SI: variants seen among roughly 807,000 people sequenced by gnomAD.
SI encodes the protein sucrase-isomaltase, also known as sucrase-isomaltase, intestinal.
In SI, 235 loss-of-function variants were observed where a neutral mutation model predicts 253.3. The ratio of observed to expected loss-of-function variants is 0.93; its 90% confidence interval spans 0.83 to 1.03. The LOEUF is 1.03. Ranked by LOEUF, SI falls within the 50% of genes least tolerant of loss-of-function variation. The probability of loss-of-function intolerance (pLI) is 0.00; values close to 1 mark genes in which losing one functional copy is unlikely to be tolerated. For synonymous variants in SI, 819 were observed against 712.0 expected (o/e 1.15, Z -2.39); for missense variants, 2,442 against 2,211.1 (o/e 1.10, Z -2.09).
chr3:165,069,405 A>C (rs1714423446), intron 3 of SI, among the ~76,000 whole-genome samples: 1 of 152,136 alleles, frequency 6.6e-6, no homozygotes, highest in Admixed American at 6.6e-5. Context: ...AGAAATTTAT[A>C]ACCTGAGATG....
At position 165,048,814 on chromosome 3, in the gene SI, G is replaced by T. The variant is rs184650927; in HGVS notation, c.1715+313C>A. ...GTACTTTTAATAGAGACTGGGTTTC[G>T]CCATGTTGGCCAGGCTGGTCTCAGA... On this transcript the variant is annotated intron_variant, in intron 15 of 47. Coordinates refer to ENST00000264382, the MANE Select transcript of SI (RefSeq NM_001041.4). Among the ~76,000 whole-genome samples, 63 of 151,686 alleles carry T rather than the reference G, an allele frequency of 4.2e-4. 1 individual carries two copies. In the East Asian group the frequency reaches 0.011, roughly 27 times the overall value.
intron 45 of SI, 95 bp from the exon 46 acceptor site, chr3:164,983,146 A>G (rs1429822627): frequency 4.1e-6 from 5 of 1,217,076 alleles, no homozygotes; most frequent in Non-Finnish European, 5.8e-6. Context: ...CCAGTATAAA[A>G]AGTAGCAAAT....
chr3:165,053,205 T>C (rs1430024466), intron 13 of SI, among the ~76,000 whole-genome samples: 1 of 151,936 alleles, frequency 6.6e-6, no homozygotes, highest in South Asian at 2.1e-4. Flanking sequence ...ATTTATTATA[T>C]TTTATACACA....
At chr3:165,029,788 A>G (rs1319559623) in intron 25 of SI, among the ~76,000 whole-genome samples, 1 of 150,272 alleles carries the variant, frequency 6.7e-6, no homozygotes, top group Non-Finnish European at 1.5e-5. Flanking sequence ...GCAAAGGGGA[A>G]TGGATGTGTA....
intron 33 of SI, among the ~76,000 whole-genome samples, chr3:165,014,764 T>C (rs1191788915): frequency 1.3e-5 from 2 of 152,148 alleles, no homozygotes; most frequent in Non-Finnish European, 2.9e-5. Flanking sequence ...AAACATGTTG[T>C]TGCTACTATT....
rs1271427917 is a variant in SI, at chr3:165,032,645, A to G, written c.2613T>C (p.Thr871=). 2 of 1,607,960 alleles carry G rather than the reference A, an allele frequency of 1.2e-6. No homozygotes were observed. The highest frequency in any genetic ancestry group is 1.7e-6 in the Non-Finnish European group (2 of 1,175,632). Residue 871 remains threonine (T), a synonymous_variant, in exon 24 of 48, where the codon ACT becomes ACC. Transcript: ENST00000264382. The part of the protein sequence containing the change: ...VCTHSSYQEG[T]TLAFQTVKIL... ...TTTTTACAGTCTGAAATGCTAAGGT[A>G]GTTCCTTCCTGATATGATGAATGTG...
At chr3:165,019,536 A>AGAAGTGGCTT in intron 28 of SI, 66 bp downstream of exon 28, 1 of 1,400,812 alleles carries the variant, frequency 7.1e-7, no homozygotes, top group Non-Finnish European at 1.0e-6. Flanking sequence ...AGGCCCATAA[A>AGAAGTGGCTT]GAAGTGGCTT....
At chr3:165,004,538 C>A (rs1718410500) in intron 37 of SI, among the ~76,000 whole-genome samples, 1 of 152,044 alleles carries the variant, frequency 6.6e-6, no homozygotes, top group Non-Finnish European at 1.5e-5. Context: ...TTGGAAGCAC[C>A]TTTAGTGTCC....
intron 40 of SI, 51 bp from the exon 41 acceptor site, chr3:164,994,456 C>T: frequency 6.4e-7 from 1 of 1,557,538 alleles, no homozygotes; most frequent in Non-Finnish European, 8.8e-7. Context: ...TTGTTTAAGT[C>T]ATAATATTCA....
the SI span, among the ~76,000 whole-genome samples, chr3:165,088,982 C>T: frequency 6.6e-6 from 1 of 151,786 alleles, no homozygotes; most frequent in African/African-American, 2.4e-5. Context: ...TTTTGATCAT[C>T]AACTTAGAAA....
rs112977346 is a variant in SI, at chr3:165,000,010, T to G, written c.4407-1337A>C. Among the ~76,000 whole-genome samples, 1,282 of 151,252 alleles carry G rather than the reference T, an allele frequency of 8.5e-3. 20 individuals are homozygous for G. The highest frequency in any genetic ancestry group is 9.3e-3 in the Non-Finnish European group (626 of 67,506). On this transcript the variant is annotated intron_variant, in intron 37 of 47. Transcript: ENST00000264382. ...TCTTTTAAATATACATTACATATAT[T>G]TTTTTGAAATTTAATAAGAAATAAA...
chr3:164,999,832 A>C (rs1718180721), intron 37 of SI, among the ~76,000 whole-genome samples: 1 of 151,666 alleles, frequency 6.6e-6, no homozygotes, highest in African/African-American at 2.4e-5. Context: ...AACATATTGA[A>C]CCATCACTTG....
chr3:165,049,002 G>T, intron 15 of SI, 125 bp downstream of exon 15: 1 of 689,600 alleles, frequency 1.5e-6, no homozygotes. Flanking sequence ...CTTTTTAGCA[G>T]GCATAAAATA....
intron 23 of SI, 63 bp from the exon 24 acceptor site, chr3:165,032,755 AC>A: frequency 8.8e-7 from 1 of 1,131,214 alleles, no homozygotes; most frequent in Non-Finnish European, 1.3e-6. Flanking sequence ...AAATAACAAT[AC>A]CGATAAGAAA....
chr3:165,042,059 G>T (rs1712861396), intron 17 of SI, among the ~76,000 whole-genome samples: 2 of 151,676 alleles, frequency 1.3e-5, no homozygotes, highest in African/African-American at 4.8e-5. Flanking sequence ...TGGTCTGCAG[G>T]CTCTCCTCAT....
rs199881454 is a variant in SI at position 164,982,358 on chromosome 3, G to T, written c.5300C>A (p.Thr1767Lys). ...CCATACATGAAGGGATCCAAGCCTCGTTTCACTTTTATTTATGTAACCTCT... is the reference window on the plus strand; with the variant it reads ...CCATACATGAAGGGATCCAAGCCTCTTTTCACTTTTATTTATGTAACCTCT... ...LKRGYINKSETRLGSLHVWGK... is the reference protein window; with the variant it reads ...LKRGYINKSEKRLGSLHVWGK... The change falls in exon 47 of 48, where the codon ACG becomes AAG. Residue 1767 changes from threonine (T) to lysine (K), a missense_variant. Physicochemically the swap from Thr to Lys is moderately conservative, Grantham distance 78. Coordinates refer to ENST00000264382, the MANE Select transcript of SI (RefSeq NM_001041.4). 1.9e-6 allele frequency: 3 copies of T among 1,612,202 alleles called. No homozygotes were observed. Among genetic ancestry groups the T allele is most frequent in the Non-Finnish European group, 2.5e-6 (3 of 1,178,804 alleles).
chr3:165,079,594 A>T (rs1576933193), upstream of SI, among the ~76,000 whole-genome samples: 2 of 151,700 alleles, frequency 1.3e-5, no homozygotes, highest in South Asian at 4.1e-4. Flanking sequence ...GGAAAAATAT[A>T]ATAAAACTTT....
intron 21 of SI, among the ~76,000 whole-genome samples, chr3:165,037,209 G>A (rs1277057805): frequency 2.0e-5 from 3 of 151,656 alleles, no homozygotes; most frequent in Non-Finnish European, 4.4e-5. Context: ...TACAAGAAAA[G>A]AATAAATAAT....
At chr3:165,040,286 G>C (rs148761170) in intron 18 of SI, among the ~76,000 whole-genome samples, 1 of 148,864 alleles carries the variant, frequency 6.7e-6, no homozygotes, top group East Asian at 2.1e-4. Context: ...AAGTAGAAAA[G>C]GGGTAGGGAA....
Sources: gnomAD v4.1 joint callset for allele counts (sites outside exome capture counted in the v4.1 genomes callset) on GRCh38, gnomAD v4.1.1 for gene constraint, MANE v1.5 for transcripts, NCBI Gene and HGNC (gene_info 2026-07-23, HGNC 2026-07-21) for gene names.